Variants in GRM7 observed in about 807,000 individuals in gnomAD.
GRM7 encodes the protein metabotropic glutamate receptor 7.
Under a neutral mutation model 84.5 loss-of-function variants are expected in GRM7, and 35 were observed. The ratio of observed to expected loss-of-function variants is 0.41; its 90% confidence interval spans 0.32 to 0.55. The LOEUF (loss-of-function observed/expected upper bound fraction) is 0.55, where lower values mean the gene tolerates loss of function less well. Ranked by LOEUF, GRM7 falls within the 20% of genes least tolerant of loss-of-function variation. GRM7 has a pLI of 0.19. For synonymous variants in GRM7, 487 were observed against 455.1 expected, an observed-to-expected ratio of 1.07 and a Z score of -0.89; for missense variants, 1,003 against 1,194.6, an observed-to-expected ratio of 0.84 and a Z score of 2.36.
chr3:6,944,759 G>T (rs993133508), intron 1 of GRM7, among the ~76,000 whole-genome samples: 1 of 152,024 alleles, frequency 6.6e-6, no homozygotes, highest in Non-Finnish European at 1.5e-5. Flanking sequence ...TATTATTTCT[G>T]TCTTACTTAT....
chr3:7,549,989 A>T (rs1351191975), intron 7 of GRM7, among the ~76,000 whole-genome samples: 1 of 152,152 alleles, frequency 6.6e-6, no homozygotes, highest in Non-Finnish European at 1.5e-5. Flanking sequence ...ATATCCTTCC[A>T]GTTTCTTTTT....
intron 4 of GRM7, among the ~76,000 whole-genome samples, chr3:7,333,352 G>A (rs1214864804): frequency 6.6e-6 from 1 of 152,176 alleles, no homozygotes; most frequent in African/African-American, 2.4e-5. Context: ...GAGCCCGGTA[G>A]CCCCACTGTA....
At chr3:7,416,233 T>A (rs1257264378) in intron 5 of GRM7, among the ~76,000 whole-genome samples, 2 of 152,134 alleles carry the variant, frequency 1.3e-5, no homozygotes, top group Non-Finnish European at 2.9e-5. Context: ...ACTTGGCTTT[T>A]ATCCTAAGAG....
intron 8 of GRM7, among the ~76,000 whole-genome samples, chr3:7,667,584 A>G (rs1030865476): frequency 6.6e-6 from 1 of 152,176 alleles, no homozygotes; most frequent in Admixed American, 6.5e-5. Flanking sequence ...GTTTCATTTC[A>G]GAAGTCAGAT....
chr3:7,527,243 C>T (rs760978271), intron 7 of GRM7, among the ~76,000 whole-genome samples: 3 of 151,844 alleles, frequency 2.0e-5, no homozygotes, highest in East Asian at 1.9e-4. Context: ...TCTTTCACCC[C>T]CTTGGTTATA....
chr3:7,183,275 A>G (rs138429854), intron 2 of GRM7, among the ~76,000 whole-genome samples: 2 of 152,302 alleles, frequency 1.3e-5, no homozygotes, highest in East Asian at 3.9e-4. Context: ...AGCTGTGTAC[A>G]GGGGAGCAAA....
chr3:6,971,407 A>G (rs1172759930), intron 1 of GRM7, among the ~76,000 whole-genome samples: 1 of 152,136 alleles, frequency 6.6e-6, no homozygotes, highest in African/African-American at 2.4e-5. Context: ...TTGCCTACCT[A>G]ATACCCATCA....
At chr3:7,053,359 T>C (rs1320911387) in intron 1 of GRM7, among the ~76,000 whole-genome samples, 1 of 151,540 alleles carries the variant, frequency 6.6e-6, no homozygotes. Flanking sequence ...TTTCAGTTTT[T>C]CAATGATGTA....
At chr3:7,404,484 T>C (rs902373432) in intron 4 of GRM7, among the ~76,000 whole-genome samples, 3 of 152,202 alleles carry the variant, frequency 2.0e-5, no homozygotes, top group Non-Finnish European at 2.9e-5. Context: ...AGATGACATA[T>C]TGGAGTTCAG....
chr3:6,932,916 G>C (rs922839705), intron 1 of GRM7, among the ~76,000 whole-genome samples: 1 of 151,416 alleles, frequency 6.6e-6, no homozygotes, highest in Non-Finnish European at 1.5e-5. Flanking sequence ...CACCATGCCC[G>C]GCTAATTTTT....
At chr3:7,368,174 TTACAAAGAC>T (rs1192910961) in intron 4 of GRM7, among the ~76,000 whole-genome samples, 1 of 151,956 alleles carries the variant, frequency 6.6e-6, no homozygotes, top group African/African-American at 2.4e-5. Context: ...GGAGATTGGT[TTACAAAGAC>T]TACAAAGGCA....
chr3:7,484,584 T>C (rs1699253066), intron 7 of GRM7, among the ~76,000 whole-genome samples: 1 of 152,174 alleles, frequency 6.6e-6, no homozygotes, highest in East Asian at 1.9e-4. Context: ...AGATAGGGGA[T>C]ATGGCTTGGT....
In GRM7 at chr3:7,452,773, G is replaced by C; in HGVS notation, c.1341G>C (p.Lys447Asn). 1 of 1,613,026 alleles carries C rather than the reference G, an allele frequency of 6.2e-7. No homozygotes were observed. Among genetic ancestry groups the C allele is most frequent in the Non-Finnish European group, 8.5e-7 (1 of 1,179,282 alleles). The change falls in exon 6 of 10, where the codon AAG becomes AAC. Residue 447 changes from lysine to asparagine, a missense_variant. By Grantham distance (94) the Lys-to-Asn change is moderately conservative (BLOSUM62 0). This residue lies in a region of GRM7 where 910 missense variants were observed against 1,126.0 expected (regional missense o/e 0.81). Coordinates refer to ENST00000357716, the MANE Select transcript of GRM7 (RefSeq NM_000844.4). Reference protein sequence around the residue: ...CPEMEQAGGKKLLKYIRNVNF... With the variant: ...CPEMEQAGGKNLLKYIRNVNF... ...AGATGGAGCAAGCTGGAGGCAAGAA[G>C]TTGCTGAAGTATATACGCAATGTTA... is the stretch of plus-strand genomic sequence containing the variant.
chr3:7,214,489 G>A (rs868138260), intron 2 of GRM7, among the ~76,000 whole-genome samples: 17 of 152,244 alleles, frequency 1.1e-4, no homozygotes, highest in East Asian at 1.9e-4. Flanking sequence ...TCTGGATAAC[G>A]GAGCTATGTT....
intron 2 of GRM7, among the ~76,000 whole-genome samples, chr3:7,202,393 C>G (rs569845843): frequency 1.5e-3 from 229 of 152,188 alleles, no homozygotes; most frequent in African/African-American, 5.3e-3. Flanking sequence ...TGCAGTGGTG[C>G]AATCTCGGCT....
intron 5 of GRM7, among the ~76,000 whole-genome samples, chr3:7,426,778 G>T (rs1282672404): frequency 2.6e-5 from 4 of 152,132 alleles, no homozygotes; most frequent in African/African-American, 9.7e-5. Flanking sequence ...GCCAGTATCA[G>T]GCTTACAGTA....
At chr3:7,492,593 T>C (rs6795888) in intron 7 of GRM7, among the ~76,000 whole-genome samples, 73,973 of 151,888 alleles carry the variant, frequency 0.49, 18,418 homozygotes, top group East Asian at 0.71. Context: ...GGTATGTCTT[T>C]TCTATATGAG....
At chr3:7,500,777 G>A (rs956987814) in intron 7 of GRM7, among the ~76,000 whole-genome samples, 1 of 152,204 alleles carries the variant, frequency 6.6e-6, no homozygotes, top group Non-Finnish European at 1.5e-5. Flanking sequence ...TAGGGCAGAG[G>A]CATAGTTTGG....
chr3:6,872,651 C>T (rs1254146635), intron 1 of GRM7, among the ~76,000 whole-genome samples: 1 of 151,480 alleles, frequency 6.6e-6, no homozygotes, highest in African/African-American at 2.4e-5. Flanking sequence ...GTGTGATGTT[C>T]CCCTCCCTGT....
Sources: gnomAD v4.1 joint callset for allele counts (sites outside exome capture counted in the v4.1 genomes callset) on GRCh38, gnomAD v4.1.1 for gene constraint, gnomAD v4.1.1 regional missense constraint, MANE v1.5 for transcripts, NCBI Gene and HGNC (gene_info 2026-07-23, HGNC 2026-07-21) for gene names.